The following ITGA9 variants were observed in gnomAD, a reference collection of about 807,000 sequenced individuals.
ITGA9 encodes the protein integrin alpha-9.
ITGA9 carries 56 observed loss-of-function variants against 127.8 expected under a neutral mutation model. The ratio of observed to expected loss-of-function variants is 0.44; its 90% CI spans 0.35 to 0.55. ITGA9 has a LOEUF of 0.55. ITGA9 is among the 20% of genes least tolerant of loss of function. ITGA9 has a pLI of 0.00. For missense variants in ITGA9, 1,196 were observed against 1,347.1 expected (o/e 0.89, Z 1.76); for synonymous variants, 508 against 514.5 (o/e 0.99, Z 0.17).
intron 18 of ITGA9, among the ~76,000 whole-genome samples, chr3:37,727,410 G>T (rs963885385): frequency 6.6e-6 from 1 of 152,132 alleles, no homozygotes; most frequent in Non-Finnish European, 1.5e-5. Context: ...TTAAAATAGG[G>T]TCTAAAATTT....
chr3:37,629,075 T>G lies in ITGA9; in HGVS notation c.1690-112T>G. The G allele has an allele frequency of 1.6e-6, 2 of 1,220,770 alleles. No individual in the cohort carries two copies. The highest frequency in any genetic ancestry group is 2.4e-6 in the Non-Finnish European group (2 of 828,020). The allele number at this position is 1,220,770 out of a possible 1,614,324, so 75.6% of individuals were successfully genotyped here. On this transcript the variant is annotated intron_variant, in intron 15 of 27. Coordinates refer to ENST00000264741, the MANE Select transcript of ITGA9 (RefSeq NM_002207.3). The surrounding 1 kb of genome is among the most constrained non-coding windows in gnomAD (Gnocchi z 4.5). ...ATAAAACCCTACCTCACGAGGGTGATTGTGAGGATTATATGAGGCAATTCA... is the reference window on the plus strand; with the variant it reads ...ATAAAACCCTACCTCACGAGGGTGAGTGTGAGGATTATATGAGGCAATTCA...
chr3:37,741,649 A>G (rs1222594206), intron 20 of ITGA9, 81 bp from the exon 21 acceptor site: 16 of 1,086,946 alleles, frequency 1.5e-5, no homozygotes, highest in East Asian at 2.6e-5. Flanking sequence ...TAGAGATTCA[A>G]CTCTAAAGTG....
intron 16 of ITGA9, among the ~76,000 whole-genome samples, chr3:37,646,677 A>G (rs1368674033): frequency 6.6e-6 from 1 of 152,202 alleles, no homozygotes; most frequent in Non-Finnish European, 1.5e-5. Context: ...TAGCAGGTGA[A>G]GTCTGGAGGG....
At chr3:37,466,442 G>A (rs778952319) in intron 1 of ITGA9, among the ~76,000 whole-genome samples, 10 of 119,288 alleles carry the variant, frequency 8.4e-5, no homozygotes, top group Admixed American at 2.3e-4. Flanking sequence ...GGAGATCGCC[G>A]CACTGCACTC....
chr3:37,708,790 T>C (rs1701042624), intron 18 of ITGA9, among the ~76,000 whole-genome samples: 1 of 86,722 alleles, frequency 1.2e-5, no homozygotes, highest in African/African-American at 4.1e-5. Flanking sequence ...TGGTGGAGCC[T>C]AGGTTTAATC....
intron 23 of ITGA9, among the ~76,000 whole-genome samples, chr3:37,756,200 A>C (rs1696651094): frequency 6.6e-6 from 1 of 151,954 alleles, no homozygotes; most frequent in South Asian, 2.1e-4. Flanking sequence ...AATAAAGTAT[A>C]GCAATATTAA....
intron 15 of ITGA9, among the ~76,000 whole-genome samples, chr3:37,615,412 C>T (rs1222682282): frequency 1.3e-5 from 2 of 152,048 alleles, no homozygotes; most frequent in African/African-American, 4.8e-5. Flanking sequence ...ATCAGGGATA[C>T]TGGTCTAAAA....
intron 17 of ITGA9, among the ~76,000 whole-genome samples, chr3:37,661,334 T>C (rs1559560852): frequency 6.6e-6 from 1 of 152,206 alleles, no homozygotes; most frequent in Non-Finnish European, 1.5e-5. Flanking sequence ...TTAGGTTGGG[T>C]TATTTCTCAG....
chr3:37,600,457 A>G (rs1253292488), intron 15 of ITGA9, among the ~76,000 whole-genome samples: 2 of 152,014 alleles, frequency 1.3e-5, no homozygotes, highest in African/African-American at 4.8e-5. Context: ...CCCTAGCCCC[A>G]CACATACTCT....
At chr3:37,506,359 C>T (rs982376735) in intron 7 of ITGA9, among the ~76,000 whole-genome samples, 7 of 152,156 alleles carry the variant, frequency 4.6e-5, no homozygotes, top group African/African-American at 1.7e-4. Context: ...ATTTATAAGA[C>T]TGAGCCCTGG....
chr3:37,685,912 C>T (rs1700777954), intron 18 of ITGA9, among the ~76,000 whole-genome samples: 1 of 152,160 alleles, frequency 6.6e-6, no homozygotes, highest in Admixed American at 6.5e-5. Flanking sequence ...GCTTTGCTCC[C>T]CCTTTACCAT....
At position 37,517,626 on chromosome 3, in the gene ITGA9, G is replaced by A; in HGVS notation, c.1141+17G>A. On this transcript the variant is annotated intron_variant, in intron 10 of 27. Coordinates refer to ENST00000264741, the MANE Select transcript of ITGA9 (RefSeq NM_002207.3). The stretch of plus-strand genomic sequence containing the variant: ...GGTTCCCAGGTGAGTGAGTGCTCCT[G>A]GTGCACGGAGCCCCTCCAGGTGCAG... 1 of 1,529,544 alleles carries A rather than the reference G, an allele frequency of 6.5e-7. No individual in the cohort carries two copies. Among genetic ancestry groups the A allele is most frequent in the Non-Finnish European group, 8.9e-7 (1 of 1,123,342 alleles). 94.7% of individuals were successfully genotyped at this position (1,529,544 alleles called of 1,614,324 possible).
chr3:37,522,114 T>C (rs1346935534), intron 11 of ITGA9, among the ~76,000 whole-genome samples: 1 of 151,976 alleles, frequency 6.6e-6, no homozygotes, highest in Admixed American at 6.6e-5. Flanking sequence ...AAGAGAAGGA[T>C]AAGGAAAGAA....
intron 15 of ITGA9, among the ~76,000 whole-genome samples, chr3:37,606,403 C>T (rs532205241): frequency 1.3e-3 from 199 of 152,238 alleles, no homozygotes; most frequent in Non-Finnish European, 2.3e-3. Flanking sequence ...TGAAATGTGG[C>T]TATCAGGGTA....
intron 2 of ITGA9, among the ~76,000 whole-genome samples, chr3:37,471,522 G>A (rs1393112557): frequency 6.6e-6 from 1 of 152,178 alleles, no homozygotes; most frequent in Non-Finnish European, 1.5e-5. Flanking sequence ...AGGAAGCACA[G>A]CCTTCAAGCA....
At chr3:37,618,258 C>T (rs146488047) in intron 15 of ITGA9, among the ~76,000 whole-genome samples, 6,068 of 152,274 alleles carry the variant, frequency 0.04, 390 homozygotes, top group African/African-American at 0.14. Context: ...GTATCAGCAG[C>T]GGAGGCTGCA....
At chr3:37,614,538 C>G (rs1406006875) in intron 15 of ITGA9, among the ~76,000 whole-genome samples, 91 of 151,028 alleles carry the variant, frequency 6.0e-4, no homozygotes, top group African/African-American at 2.2e-3. Flanking sequence ...GGCATTGAAT[C>G]TATAAATTAC....
At chr3:37,673,517 C>G (rs188043643) in intron 17 of ITGA9, among the ~76,000 whole-genome samples, 2 of 152,270 alleles carry the variant, frequency 1.3e-5, no homozygotes, top group Admixed American at 6.5e-5. Context: ...TCTCCTCCAC[C>G]GTCTTAGCTC....
chr3:37,612,626 G>T (rs1455789933), intron 15 of ITGA9, among the ~76,000 whole-genome samples: 1 of 152,246 alleles, frequency 6.6e-6, no homozygotes, highest in Non-Finnish European at 1.5e-5. Context: ...TAAATCCACA[G>T]ATGCCCTGAA....
Sources: gnomAD v4.1 joint callset for allele counts (sites outside exome capture counted in the v4.1 genomes callset) on GRCh38, gnomAD v4.1.1 for gene constraint, Gnocchi (gnomAD v3.1) non-coding constraint, MANE v1.5 for transcripts, NCBI Gene and HGNC (gene_info 2026-07-23, HGNC 2026-07-21) for gene names.